BBS4: variants seen among roughly 807,000 people sequenced by gnomAD.
BBS4 encodes Bardet-Biedl syndrome 4.
Under a neutral mutation model 71.4 loss-of-function variants are expected in BBS4, and 58 were observed. The observed-to-expected ratio is 0.81, with a 90% CI of 0.66 to 1.01. The LOEUF (loss-of-function observed/expected upper bound fraction) is 1.01, where lower values mean the gene tolerates loss of function less well. Among genes scored for constraint, BBS4 ranks in the 50% least tolerant of loss-of-function variants. The pLI, the probability that BBS4 is intolerant of heterozygous loss-of-function variation, is 0.00. For missense variants in BBS4, 660 were observed against 607.9 expected, an observed-to-expected ratio of 1.09 and a Z score of -0.90; for synonymous variants, 228 against 216.8, an observed-to-expected ratio of 1.05 and a Z score of -0.46.
chr15:72,686,272 T>C, intron 1 of BBS4, 21 bp downstream of exon 1: 3 of 1,562,438 alleles, frequency 1.9e-6, no homozygotes, highest in Non-Finnish European at 2.6e-6. Context: ...AGATTCTCTT[T>C]AGTTGCCCGG....
At chr15:72,722,067 C>T (rs1842203145) in intron 6 of BBS4, among the ~76,000 whole-genome samples, 1 of 152,188 alleles carries the variant, frequency 6.6e-6, no homozygotes, top group Admixed American at 6.5e-5. Context: ...TTCATACAGA[C>T]TCTGTTGCAA....
intron 2 of BBS4, among the ~76,000 whole-genome samples, chr15:72,699,218 C>G (rs768742541): frequency 7.9e-5 from 12 of 151,832 alleles, no homozygotes; most frequent in Admixed American, 2.0e-4. Context: ...TCCCGTGTAG[C>G]TGGTATTACA....
chr15:72,687,208 T>A (rs2064871354), intron 1 of BBS4, among the ~76,000 whole-genome samples: 2 of 139,784 alleles, frequency 1.4e-5, no homozygotes, highest in South Asian at 5.0e-4. Flanking sequence ...AACCTCCGCC[T>A]CCCAGGTTCC....
intron 8 of BBS4, among the ~76,000 whole-genome samples, chr15:72,724,938 G>T (rs1304446118): frequency 2.6e-5 from 4 of 151,954 alleles, no homozygotes; most frequent in African/African-American, 7.3e-5. Context: ...TCCTTAGGCT[G>T]TTGTCTTTAC....
At chr15:72,706,262 G>T (rs1439234051) in intron 2 of BBS4, among the ~76,000 whole-genome samples, 1 of 151,976 alleles carries the variant, frequency 6.6e-6, no homozygotes, top group African/African-American at 2.4e-5. Flanking sequence ...TCAGCCTCCC[G>T]AGTAGCTGGG....
At chr15:72,719,304 G>C (rs1302257452) in intron 6 of BBS4, among the ~76,000 whole-genome samples, 1 of 150,268 alleles carries the variant, frequency 6.7e-6, no homozygotes, top group Admixed American at 6.7e-5. Flanking sequence ...GCCTAGGCTG[G>C]AGTATAGTGG....
chr15:72,718,143 C>T (rs775865842), intron 6 of BBS4, among the ~76,000 whole-genome samples: 70 of 152,324 alleles, frequency 4.6e-4, no homozygotes, highest in Admixed American at 1.0e-3. Context: ...GACACCACGC[C>T]TGACCCTCCT....
chr15:72,691,760 C>T (rs940971319), intron 1 of BBS4, among the ~76,000 whole-genome samples: 5 of 152,010 alleles, frequency 3.3e-5, no homozygotes, highest in Non-Finnish European at 5.9e-5. Flanking sequence ...GTCAAGAGAT[C>T]GAGATCATCC....
chr15:72,704,912 A>C (rs183704121), intron 2 of BBS4, among the ~76,000 whole-genome samples: 131 of 151,852 alleles, frequency 8.6e-4, no homozygotes, highest in African/African-American at 3.0e-3. Flanking sequence ...CAAAACAAAA[A>C]CAAAATGCAA....
chr15:72,693,482 T>C (rs1429467993), intron 1 of BBS4, among the ~76,000 whole-genome samples: 1 of 152,180 alleles, frequency 6.6e-6, no homozygotes. Context: ...TAGTAAATAT[T>C]GTGGGCTTTG....
At position 72,695,473 on chromosome 15, in the gene BBS4, G is replaced by A. The variant is rs111931616; in HGVS notation, c.76+245G>A. On this transcript the variant is annotated intron_variant, in intron 2 of 15. Coordinates refer to ENST00000268057, the MANE Select transcript of BBS4 (RefSeq NM_033028.5). ...TGGCTAACTTTTGTGTTTTAGTAGA[G>A]ATGAGGTTTCACTGTGTTTGCCAGG... Among the ~76,000 whole-genome samples the A allele has an allele frequency of 9.5e-3, 1,446 of 152,204 alleles. 10 individuals are homozygous for A. Among genetic ancestry groups the A allele is most frequent in the Middle Eastern group, 0.017 (5 of 292 alleles).
At chr15:72,697,309 T>C (rs1053379130) in intron 2 of BBS4, among the ~76,000 whole-genome samples, 1 of 152,198 alleles carries the variant, frequency 6.6e-6, no homozygotes, top group African/African-American at 2.4e-5. Flanking sequence ...ATTAAAAAAG[T>C]AGTACTTTGA....
At chr15:72,686,800 C>A in intron 1 of BBS4, 1 of 350,446 alleles carries the variant, frequency 2.9e-6, no homozygotes, top group South Asian at 2.2e-5. Flanking sequence ...GACCTAGTCG[C>A]TATTTTTTGA....
chr15:72,692,304 ATTTTTTTTT>A (rs398027909), intron 1 of BBS4, among the ~76,000 whole-genome samples: 123 of 59,280 alleles, frequency 2.1e-3, no homozygotes, highest in Admixed American at 4.2e-3. Context: ...TTACATTGCA[ATTTTTTTTT>A]TTTTTTTTTT....
chr15:72,735,258 T>TGGTGCTGC lies in BBS4; in HGVS notation c.1106+77_1106+84dup. Reference sequence around the variant, plus strand: ...CATGAGGTGGTGCCATACATAGCATTGGTGCTGCCTGTGTCAGCCCAGCTG... The same window carrying TGGTGCTGC: ...CATGAGGTGGTGCCATACATAGCATTGGTGCTGCGGTGCTGCCTGTGTCAGCCCAGCTG... On this transcript the variant is annotated intron_variant, in intron 13 of 15. Transcript: ENST00000268057. 3.5e-6 allele frequency: 4 copies of TGGTGCTGC among 1,135,044 alleles called. No homozygotes were observed. The South Asian group carries it at 5.0e-5, about 14-fold the overall frequency. 70.3% of individuals were successfully genotyped at this position (1,135,044 alleles called of 1,614,324 possible).
chr15:72,733,342 G>A (rs1320695377), intron 12 of BBS4, among the ~76,000 whole-genome samples: 1 of 73,270 alleles, frequency 1.4e-5, no homozygotes, highest in Non-Finnish European at 3.3e-5. Context: ...TGTGCATCCT[G>A]TTACACAGGC....
In BBS4 at chr15:72,737,630, G is replaced by A. The variant is rs144706746; in HGVS notation, c.*43G>A. On this transcript the variant is annotated 3_prime_UTR_variant, in exon 16 of 16. Transcript: ENST00000268057. ...CCAAAATAGGGTTTTCTTGGGCGAG[G>A]ATGTGCTGGATTAGGAAAGGTGACA... is the stretch of plus-strand genomic sequence containing the variant. 1.4e-6 allele frequency: 2 copies of A among 1,455,210 alleles called. No homozygotes were observed. Among genetic ancestry groups the A allele is most frequent in the Admixed American group, 1.9e-5 (1 of 51,602 alleles). The allele number at this position is 1,455,210 out of a possible 1,614,324, so 90.1% of individuals were successfully genotyped here.
At chr15:72,726,769 C>CT (rs567121518) in intron 8 of BBS4, among the ~76,000 whole-genome samples, 5 of 152,212 alleles carry the variant, frequency 3.3e-5, no homozygotes, top group Admixed American at 6.5e-5. Flanking sequence ...CTCTGTGGTG[C>CT]TAGGTAGTAG....
intron 3 of BBS4, among the ~76,000 whole-genome samples, chr15:72,711,289 A>G (rs548482987): frequency 6.1e-4 from 93 of 152,084 alleles, no homozygotes; most frequent in Admixed American, 2.4e-3. Flanking sequence ...CTGGGATTAC[A>G]GGCATGTGCC....
Sources: gnomAD v4.1 joint callset for allele counts (sites outside exome capture counted in the v4.1 genomes callset) on GRCh38, gnomAD v4.1.1 for gene constraint, MANE v1.5 for transcripts, NCBI Gene and HGNC (gene_info 2026-07-23, HGNC 2026-07-21) for gene names.